The following MAPKAPK3 variants were observed in gnomAD, a reference collection of about 807,000 sequenced individuals.
MAPKAPK3 encodes the protein MAPK activated protein kinase 3.
In MAPKAPK3, 35 loss-of-function variants were observed where a neutral mutation model predicts 49.2. The observed-to-expected ratio is 0.71, with a 90% CI of 0.54 to 0.94. The LOEUF is 0.94. Ranked by LOEUF, MAPKAPK3 falls within the 40% of genes least tolerant of loss-of-function variation. The probability of loss-of-function intolerance (pLI) is 0.00; values close to 1 mark genes in which losing one functional copy is unlikely to be tolerated. For synonymous variants in MAPKAPK3, 178 were observed against 188.7 expected (o/e 0.94, Z 0.46); for missense variants, 398 against 493.1 (o/e 0.81, Z 1.83).
chr3:50,639,571 G>T (rs768547887), intron 2 of MAPKAPK3, among the ~76,000 whole-genome samples: 1 of 152,210 alleles, frequency 6.6e-6, no homozygotes, highest in African/African-American at 2.4e-5. Context: ...TTGGTAGTGA[G>T]AGTTTTGTTC....
chr3:50,615,999 G>A (rs549072214), upstream of MAPKAPK3, among the ~76,000 whole-genome samples: 1 of 152,250 alleles, frequency 6.6e-6, no homozygotes, highest in Admixed American at 6.5e-5. Context: ...GAGGGGCTGA[G>A]GGGGAGGCGC....
intron 2 of MAPKAPK3, among the ~76,000 whole-genome samples, chr3:50,625,381 C>T (rs1168904783): frequency 6.6e-6 from 1 of 152,144 alleles, no homozygotes; most frequent in Non-Finnish European, 1.5e-5. Flanking sequence ...GAAGGGAGCT[C>T]TGGGTCCTGG....
At chr3:50,613,539 T>C (rs2032391625), upstream of MAPKAPK3, among the ~76,000 whole-genome samples, 1 of 152,188 alleles carries the variant, frequency 6.6e-6, no homozygotes, top group Non-Finnish European at 1.5e-5. Context: ...TGTGGACCAC[T>C]GACTTGCCAG....
intron 2 of MAPKAPK3, among the ~76,000 whole-genome samples, chr3:50,626,419 CCTGACCACCCTTGCCCTGCTAAGG>C (rs2032744375): frequency 6.6e-6 from 1 of 152,300 alleles, no homozygotes; most frequent in African/African-American, 2.4e-5. Flanking sequence ...GCACCCTGCA[CCTGACCACCCTTGCCCTGCTAAGG>C]CTCAGAGGCT....
In MAPKAPK3 at chr3:50,647,953, GGACCTGAA is replaced by G. The variant is rs1198748576; in HGVS notation, c.1062_1069del (p.Lys355Ter). 1 of 1,613,902 alleles carries G rather than the reference GGACCTGAA, an allele frequency of 6.2e-7. No homozygotes were observed. The highest frequency in any genetic ancestry group is 2.2e-5 in the East Asian group (1 of 44,886). ...TAGACTACGACCAGGTGAAGATCAA[GGACCTGAA>G]GACCTCTAACAACCGGCTCCTCAAC... On this transcript the variant is annotated frameshift_variant, in exon 11 of 11. Transcript: ENST00000621469. LOFTEE classifies it high-confidence loss of function.
intron 2 of MAPKAPK3, among the ~76,000 whole-genome samples, chr3:50,632,920 G>A (rs992715615): frequency 6.6e-6 from 1 of 152,254 alleles, no homozygotes; most frequent in African/African-American, 2.4e-5. Flanking sequence ...GTGTGGGTGG[G>A]TGGACCTGGA....
upstream of MAPKAPK3, among the ~76,000 whole-genome samples, chr3:50,614,500 AGTGTGT>A (rs3066739): frequency 1.2e-3 from 173 of 138,942 alleles, 1 homozygote; most frequent in East Asian, 1.7e-3. Flanking sequence ...GTAAGGACAG[AGTGTGT>A]GTGTGTGTGT....
chr3:50,640,521 C>G lies in MAPKAPK3; in HGVS notation c.359+16C>G. On this transcript the variant is annotated intron_variant, in intron 3 of 10. Transcript: ENST00000621469. The stretch of plus-strand genomic sequence containing the variant: ...TCATGGAATGGTATGCTGGCCTGCC[C>G]TGTCTCCACACCCCCTCGGCATCCC... 1 of 1,595,478 alleles carries G rather than the reference C, an allele frequency of 6.3e-7. No homozygotes were observed. The highest frequency in any genetic ancestry group is 2.3e-5 in the East Asian group (1 of 44,226).
At chr3:50,622,639 C>T (rs1212520784) in intron 2 of MAPKAPK3, among the ~76,000 whole-genome samples, 1 of 152,174 alleles carries the variant, frequency 6.6e-6, no homozygotes, top group African/African-American at 2.4e-5. Flanking sequence ...TGCACCTTCT[C>T]CACAGGAGAG....
chr3:50,644,070 A>G (rs1343228621), intron 5 of MAPKAPK3, among the ~76,000 whole-genome samples: 3 of 152,142 alleles, frequency 2.0e-5, no homozygotes, highest in Non-Finnish European at 4.4e-5. Context: ...ATACTGACTT[A>G]TGAGCAGCCT....
intron 2 of MAPKAPK3, among the ~76,000 whole-genome samples, chr3:50,630,499 T>G (rs1020297219): frequency 1.3e-5 from 2 of 152,222 alleles, no homozygotes; most frequent in African/African-American, 4.8e-5. Flanking sequence ...CATCTGAAAA[T>G]GGTGGCTAAC....
chr3:50,636,212 G>T (rs926232546), intron 2 of MAPKAPK3, among the ~76,000 whole-genome samples: 3 of 152,222 alleles, frequency 2.0e-5, no homozygotes, highest in African/African-American at 7.2e-5. Context: ...GCCCTGCCCT[G>T]TGGGCCCACA....
At chr3:50,630,574 GA>G in intron 2 of MAPKAPK3, among the ~76,000 whole-genome samples, 1 of 152,382 alleles carries the variant, frequency 6.6e-6, no homozygotes, top group East Asian at 1.9e-4. Context: ...GGGGCTCCGT[GA>G]ACATCTGCCA....
intron 2 of MAPKAPK3, among the ~76,000 whole-genome samples, chr3:50,639,447 A>G (rs2033121518): frequency 1.3e-5 from 2 of 152,132 alleles, no homozygotes; most frequent in Admixed American, 1.3e-4. Flanking sequence ...CAGTGCGATG[A>G]CATTGTCGCC....
chr3:50,617,597 G>A lies in MAPKAPK3; in HGVS notation c.32G>A (p.Gly11Asp), dbSNP rs777789251. Residue 11 changes from glycine (G) to aspartate (D), a missense_variant, in exon 2 of 11, where the codon GGC becomes GAC. Coordinates refer to ENST00000621469, the MANE Select transcript of MAPKAPK3 (RefSeq NM_001243925.2). MDGETAEEQG[G>D]PVPPPVAPGG... ...GGTGAAACAGCAGAGGAGCAGGGGG[G>A]CCCTGTGCCCCCGCCAGTTGCACCC... is the stretch of plus-strand genomic sequence containing the variant. The A allele has an allele frequency of 4.4e-6, 7 of 1,594,168 alleles. No homozygotes were observed. In the Admixed American group the frequency reaches 5.0e-5, roughly 11 times the overall value.
At chr3:50,645,169 T>C (rs990666172) in intron 6 of MAPKAPK3, among the ~76,000 whole-genome samples, 2 of 152,148 alleles carry the variant, frequency 1.3e-5, no homozygotes, top group African/African-American at 4.8e-5. Context: ...CCTGAGACAG[T>C]TGAAATGGCA....
rs1199387740 is a variant in MAPKAPK3, at chr3:50,648,188, A to AGG, written c.*143_*144dup. On this transcript the variant is annotated 3_prime_UTR_variant, in exon 11 of 11. Transcript: ENST00000621469. The stretch of plus-strand genomic sequence containing the variant: ...GTTTTAATTTGTCACTCGGAACTTC[A>AGG]GGATGGAGGACCCTGACCCTAAACC... 2 of 881,412 alleles carry AGG rather than the reference A, an allele frequency of 2.3e-6. No individual in the cohort carries two copies. The highest frequency in any genetic ancestry group is 3.4e-5 in the African/African-American group (2 of 58,782). The allele number at this position is 881,412 out of a possible 1,614,324, so 54.6% of individuals were successfully genotyped here.
upstream of MAPKAPK3, chr3:50,617,124 G>T: frequency 7.2e-6 from 1 of 138,710 alleles, no homozygotes; most frequent in South Asian, 2.5e-4. Context: ...GGGAGGGGGG[G>T]GAGGTCACGT....
chr3:50,636,885 C>T (rs1168010573), intron 2 of MAPKAPK3, among the ~76,000 whole-genome samples: 1 of 152,078 alleles, frequency 6.6e-6, no homozygotes, highest in Non-Finnish European at 1.5e-5. Flanking sequence ...GCTCTGGCTC[C>T]TGTGATGTAC....
Sources: gnomAD v4.1 joint callset for allele counts (sites outside exome capture counted in the v4.1 genomes callset) on GRCh38, gnomAD v4.1.1 for gene constraint, MANE v1.5 for transcripts, NCBI Gene and HGNC (gene_info 2026-07-23, HGNC 2026-07-21) for gene names.